RAB14: variants seen among roughly 807,000 people sequenced by gnomAD.
The protein encoded by RAB14 is RAB14, member RAS oncogene family.
RAB14 carries 3 observed loss-of-function variants against 31.1 expected under a neutral mutation model. The observed-to-expected ratio is 0.10, with a 90% CI of 0.04 to 0.25. The LOEUF (loss-of-function observed/expected upper bound fraction) is 0.25, where lower values mean the gene tolerates loss of function less well. Ranked by LOEUF, RAB14 falls within the 10% of genes least tolerant of loss-of-function variation. RAB14 has a pLI of 1.00. For missense variants in RAB14, 111 were observed against 260.1 expected, an observed-to-expected ratio of 0.43 and a Z score of 3.94; for synonymous variants, 85 against 84.9, an observed-to-expected ratio of 1.00 and a Z score of 0.00.
intron 4 of RAB14, among the ~76,000 whole-genome samples, chr9:121,189,906 T>A (rs1289361236): frequency 6.6e-6 from 1 of 152,140 alleles, no homozygotes; most frequent in Non-Finnish European, 1.5e-5. Context: ...CAGGGTCTAA[T>A]CAAGTGGCAC....
At chr9:121,189,411 G>A (rs995466306) in intron 4 of RAB14, among the ~76,000 whole-genome samples, 9 of 152,030 alleles carry the variant, frequency 5.9e-5, no homozygotes, top group Non-Finnish European at 1.2e-4. Context: ...GTTCTGCGTA[G>A]GCGGCCAGGT....
chr9:121,182,856 T>C, intron 7 of RAB14, 74 bp downstream of exon 7: 1 of 1,319,466 alleles, frequency 7.6e-7, no homozygotes, highest in Admixed American at 1.9e-5. Context: ...ATACATTATA[T>C]ACTTTTCATA....
intron 2 of RAB14, 84 bp from the exon 3 acceptor site, chr9:121,192,308 T>C (rs1056112548): frequency 1.0e-5 from 10 of 964,808 alleles, no homozygotes; most frequent in Non-Finnish European, 1.5e-5. Context: ...CCATATAACA[T>C]ATCACAAGTT....
chr9:121,186,269 A>G (rs1332799155), intron 5 of RAB14, among the ~76,000 whole-genome samples: 1 of 152,164 alleles, frequency 6.6e-6, no homozygotes, highest in Non-Finnish European at 1.5e-5. Context: ...GCTCTCCAGC[A>G]CTGTGCCAGT....
At chr9:121,198,028 C>G (rs1051646646) in intron 1 of RAB14, among the ~76,000 whole-genome samples, 24 of 151,718 alleles carry the variant, frequency 1.6e-4, no homozygotes, top group Non-Finnish European at 3.2e-4. Flanking sequence ...CAAACACACA[C>G]ACACACACAC....
chr9:121,187,450 C>T (rs1379547310), intron 4 of RAB14, among the ~76,000 whole-genome samples: 1 of 151,960 alleles, frequency 6.6e-6, no homozygotes. Context: ...TTTTGCTTGT[C>T]TTTAAATTTT....
intron 6 of RAB14, 72 bp from the exon 7 acceptor site, chr9:121,183,032 T>C: frequency 1.4e-6 from 2 of 1,441,464 alleles, no homozygotes; most frequent in Non-Finnish European, 1.9e-6. Flanking sequence ...TAGTAACATC[T>C]GAAAAAGTTT....
chr9:121,188,932 G>C (rs1486113379), intron 4 of RAB14, among the ~76,000 whole-genome samples: 1 of 152,022 alleles, frequency 6.6e-6, no homozygotes, highest in Non-Finnish European at 1.5e-5. Flanking sequence ...ACCCCAGAGA[G>C]AAACTCTGAA....
intron 4 of RAB14, among the ~76,000 whole-genome samples, chr9:121,188,875 A>T (rs553738068): frequency 5.3e-5 from 8 of 152,210 alleles, no homozygotes; most frequent in African/African-American, 1.9e-4. Flanking sequence ...GGATAGTTAC[A>T]AACCTGTGCA....
At chr9:121,187,335 A>G (rs1238079218) in intron 4 of RAB14, among the ~76,000 whole-genome samples, 3 of 152,128 alleles carry the variant, frequency 2.0e-5, no homozygotes, top group South Asian at 2.1e-4. Context: ...GGAAATGCCA[A>G]TGTGGAGTCA....
At chr9:121,193,905 A>T (rs1030841373) in intron 1 of RAB14, among the ~76,000 whole-genome samples, 3 of 152,174 alleles carry the variant, frequency 2.0e-5, no homozygotes, top group Admixed American at 6.6e-5. Flanking sequence ...TAATTTATAA[A>T]CACAAAACAA....
chr9:121,198,143 A>C (rs2053729030), intron 1 of RAB14, among the ~76,000 whole-genome samples: 1 of 152,134 alleles, frequency 6.6e-6, no homozygotes, highest in South Asian at 2.1e-4. Flanking sequence ...TTTTCTTTAT[A>C]TATCCCTGCA....
chr9:121,185,327 G>GT (rs1467546236), intron 5 of RAB14, among the ~76,000 whole-genome samples: 2 of 152,128 alleles, frequency 1.3e-5, no homozygotes, highest in South Asian at 2.1e-4. Context: ...AGGATGTTAT[G>GT]TAACTATAAT....
At chr9:121,200,711 C>A (rs1054724824) in intron 1 of RAB14, among the ~76,000 whole-genome samples, 2 of 152,148 alleles carry the variant, frequency 1.3e-5, no homozygotes, top group Non-Finnish European at 2.9e-5. Flanking sequence ...GTACAGAAAC[C>A]ACCAGCCACA....
At chr9:121,194,127 C>CACACACACACACAA (rs2053702132) in intron 1 of RAB14, among the ~76,000 whole-genome samples, 1 of 145,614 alleles carries the variant, frequency 6.9e-6, no homozygotes, top group Non-Finnish European at 1.5e-5. Context: ...CACACACACA[C>CACACACACACACAA]ACATTTTTTG....
At chr9:121,187,320 T>C (rs529375068) in intron 4 of RAB14, among the ~76,000 whole-genome samples, 8 of 152,130 alleles carry the variant, frequency 5.3e-5, no homozygotes, top group African/African-American at 1.4e-4. Context: ...ACACAGTAAA[T>C]TGATGGAAAT....
Position 121,180,105 on chromosome 9 carries a change from T to C in RAB14, c.*1291A>G, listed in dbSNP as rs2053625022. ...AGCGCTGAAACACCTTTAGAAACAC[T>C]TTCCCTTTTACAAAACAATTTATGC... is the stretch of plus-strand genomic sequence containing the variant. On this transcript the variant is annotated 3_prime_UTR_variant, in exon 8 of 8. Coordinates refer to ENST00000373840, the MANE Select transcript of RAB14 (RefSeq NM_016322.4). 1 of 152,658 alleles carries C rather than the reference T, an allele frequency of 6.6e-6. No individual in the cohort carries two copies. The highest frequency in any genetic ancestry group is 1.5e-5 in the Non-Finnish European group (1 of 68,044). 9.5% of individuals were successfully genotyped at this position (152,658 alleles called of 1,614,324 possible).
rs976892581 is a variant in RAB14 at position 121,184,557 on chromosome 9, G to C, written c.352-1159C>G. Among the ~76,000 whole-genome samples the C allele has an allele frequency of 2.6e-5, 4 of 152,118 alleles. 1 individual carries two copies. Among genetic ancestry groups the C allele is most frequent in the Non-Finnish European group, 5.9e-5 (4 of 68,026 alleles). On this transcript the variant is annotated intron_variant, in intron 5 of 7. Coordinates refer to ENST00000373840, the MANE Select transcript of RAB14 (RefSeq NM_016322.4). Reference sequence around the variant, plus strand: ...ATCTAGATATGAACACTTTAGGAATGGATGGTTTCAACTAAAAGGCACTTC... The same window carrying C: ...ATCTAGATATGAACACTTTAGGAATCGATGGTTTCAACTAAAAGGCACTTC...
At chr9:121,198,631 T>C (rs2053732020) in intron 1 of RAB14, among the ~76,000 whole-genome samples, 1 of 152,210 alleles carries the variant, frequency 6.6e-6, no homozygotes. Flanking sequence ...TTGTTAAAAA[T>C]ACCAGAGCTG....
Sources: gnomAD v4.1 joint callset for allele counts (sites outside exome capture counted in the v4.1 genomes callset) on GRCh38, gnomAD v4.1.1 for gene constraint, MANE v1.5 for transcripts, NCBI Gene and HGNC (gene_info 2026-07-23, HGNC 2026-07-21) for gene names.